Variants in PLXNA4 observed in about 807,000 individuals in gnomAD.
The protein encoded by PLXNA4 is plexin-A4.
PLXNA4 carries 44 observed loss-of-function variants against 191.8 expected under a neutral mutation model. The observed-to-expected ratio is 0.23, with a 90% confidence interval of 0.18 to 0.29. The LOEUF is 0.29. Ranked by LOEUF, PLXNA4 falls within the 10% of genes least tolerant of loss-of-function variation. PLXNA4 has a pLI of 1.00. For missense variants in PLXNA4, 1,800 were observed against 2,488.8 expected (o/e 0.72, Z 5.89); for synonymous variants, 1,082 against 1,009.5 (o/e 1.07, Z -1.36).
At chr7:132,591,110 G>A (rs964011604) in intron 2 of PLXNA4, among the ~76,000 whole-genome samples, 1 of 152,164 alleles carries the variant, frequency 6.6e-6, no homozygotes, top group African/African-American at 2.4e-5. Flanking sequence ...GGAGGCATGG[G>A]ATCACTAACA....
At position 132,181,456 on chromosome 7, in the gene PLXNA4, A is replaced by G; in HGVS notation, c.3417T>C (p.Tyr1139=). 2.5e-6 allele frequency: 4 copies of G among 1,613,568 alleles called. No homozygotes were observed. Among genetic ancestry groups the G allele is most frequent in the Non-Finnish European group, 2.5e-6 (3 of 1,179,832 alleles). ...CAAAGGCCTCAAACACCGGGTTGGG[A>G]TAGTAGGTGAAGTTGGTCTTGTTGA... ...LILNKTNFTY[Y]PNPVFEAFGP... The change falls in exon 18 of 32, where the codon TAT becomes TAC. Residue 1139 remains tyrosine, a synonymous_variant. Coordinates refer to ENST00000321063, the MANE Select transcript of PLXNA4 (RefSeq NM_020911.2).
At chr7:132,582,634 G>A (rs1802424593) in intron 2 of PLXNA4, among the ~76,000 whole-genome samples, 1 of 152,136 alleles carries the variant, frequency 6.6e-6, no homozygotes, top group African/African-American at 2.4e-5. Flanking sequence ...GCCACCCTAG[G>A]AGCCCATCCT....
intron 25 of PLXNA4, among the ~76,000 whole-genome samples, chr7:132,153,128 T>C (rs1192387331): frequency 6.6e-6 from 1 of 151,890 alleles, no homozygotes; most frequent in Non-Finnish European, 1.5e-5. Flanking sequence ...TATGGGGAGC[T>C]GGTGGGAAAG....
At position 132,268,985 on chromosome 7, in the gene PLXNA4, TG is replaced by T. The variant is rs547675260; in HGVS notation, c.1504-27820del. Among the ~76,000 whole-genome samples, 224 of 152,258 alleles carry T rather than the reference TG, an allele frequency of 1.5e-3. 1 individual carries two copies. Among genetic ancestry groups the T allele is most frequent in the African/African-American group, 5.3e-3 (219 of 41,550 alleles). On this transcript the variant is annotated intron_variant, in intron 4 of 31. Transcript: ENST00000321063. ...AAGGCACTTGGAATACCTCCAAAAGTGGGGGCTATGTAAAAACAAAGTATTA... is the reference window on the plus strand; with the variant it reads ...AAGGCACTTGGAATACCTCCAAAAGTGGGGCTATGTAAAAACAAAGTATTA...
chr7:132,593,726 G>C (rs1256925885), intron 2 of PLXNA4, among the ~76,000 whole-genome samples: 1 of 152,210 alleles, frequency 6.6e-6, no homozygotes, highest in Non-Finnish European at 1.5e-5. Context: ...CTGAAGACAG[G>C]AGAAAGAGGG....
chr7:132,543,695 T>C (rs1046179399), intron 1 of PLXNA4, among the ~76,000 whole-genome samples: 16 of 152,342 alleles, frequency 1.1e-4, no homozygotes, highest in African/African-American at 2.9e-4. Flanking sequence ...TAAACTTGAA[T>C]GCTAGGCTAA....
At chr7:132,543,561 C>T (rs921691388) in intron 1 of PLXNA4, among the ~76,000 whole-genome samples, 2 of 152,176 alleles carry the variant, frequency 1.3e-5, no homozygotes, top group African/African-American at 4.8e-5. Context: ...ATTGAATTAG[C>T]TAGTCTGCCT....
At chr7:132,398,594 C>T (rs1331352818) in intron 3 of PLXNA4, among the ~76,000 whole-genome samples, 2 of 152,214 alleles carry the variant, frequency 1.3e-5, no homozygotes, top group Non-Finnish European at 2.9e-5. Flanking sequence ...GCCTGGGCTC[C>T]AGGGACGCAG....
Position 132,129,907 on chromosome 7 carries a change from T to G in PLXNA4, c.*572A>C, listed in dbSNP as rs1377555527. On this transcript the variant is annotated 3_prime_UTR_variant, in exon 32 of 32. Transcript: ENST00000321063. ...CCACACATGCCCTGCTCCAGCCACA[T>G]GCAGGAGGTGTAGCCTTTCTTCTCA... 6.4e-6 allele frequency: 1 copy of G among 155,348 alleles called. No individual in the cohort carries two copies. The highest frequency in any genetic ancestry group is 2.4e-5 in the African/African-American group (1 of 41,496). 9.6% of individuals were successfully genotyped at this position (155,348 alleles called of 1,614,324 possible). A position where few individuals can be genotyped will look rare whatever the true frequency, so the allele number is the denominator to read the frequency against.
intron 9 of PLXNA4, among the ~76,000 whole-genome samples, chr7:132,217,133 A>G (rs1797988605): frequency 6.6e-6 from 1 of 152,226 alleles, no homozygotes; most frequent in Admixed American, 6.5e-5. Context: ...GTCCAGCCCC[A>G]TGCACATTTT....
rs1032018251 is a variant in PLXNA4 at position 132,185,323 on chromosome 7, A to G, written c.3134T>C (p.Ile1045Thr). 1 of 1,613,748 alleles carries G rather than the reference A, an allele frequency of 6.2e-7. No homozygotes were observed. The highest frequency in any genetic ancestry group is 8.5e-7 in the Non-Finnish European group (1 of 1,179,846). The change falls in exon 16 of 32, where the codon ATT (isoleucine) becomes ACT (threonine). Residue 1045 changes from isoleucine (I) to threonine (T), a missense_variant. Physicochemically the swap from Ile to Thr is moderately conservative, Grantham distance 89. Transcript: ENST00000321063. The stretch of plus-strand genomic sequence containing the variant: ...CCTGACAATGCTCCATTCTGGCTCA[A>G]TCCGCACGATGGTGGGGTCTTCCAC... The part of the protein sequence containing the change: ...QYVEDPTIVR[I>T]EPEWSIVSGN...
intron 2 of PLXNA4, among the ~76,000 whole-genome samples, chr7:132,492,824 G>A (rs1314491413): frequency 1.3e-5 from 2 of 152,206 alleles, no homozygotes; most frequent in East Asian, 3.9e-4. Context: ...CACCTGGTGA[G>A]CTGGGAAGCA....
intron 13 of PLXNA4, among the ~76,000 whole-genome samples, chr7:132,197,844 T>C (rs1251778560): frequency 6.6e-6 from 1 of 152,168 alleles, no homozygotes; most frequent in Non-Finnish European, 1.5e-5. Context: ...CTCCAGGAAG[T>C]GCAACAAAGA....
At chr7:132,479,380 C>T (rs1391216680) in intron 3 of PLXNA4, among the ~76,000 whole-genome samples, 1 of 152,118 alleles carries the variant, frequency 6.6e-6, no homozygotes, top group Non-Finnish European at 1.5e-5. Context: ...GGGGTAAAAC[C>T]CCAAACCAAC....
chr7:132,310,475 G>A (rs1801685589), intron 3 of PLXNA4, among the ~76,000 whole-genome samples: 2 of 152,172 alleles, frequency 1.3e-5, no homozygotes, highest in Admixed American at 6.5e-5. Flanking sequence ...CATTAACATT[G>A]GAAAAAGATC....
chr7:132,355,937 A>C (rs1174898452), intron 3 of PLXNA4, among the ~76,000 whole-genome samples: 1 of 152,152 alleles, frequency 6.6e-6, no homozygotes, highest in Non-Finnish European at 1.5e-5. Context: ...CAAGGCTGAG[A>C]AATGACCCCA....
intron 2 of PLXNA4, among the ~76,000 whole-genome samples, chr7:132,630,586 A>G (rs1428979587): frequency 1.3e-5 from 2 of 152,032 alleles, no homozygotes; most frequent in African/African-American, 4.8e-5. Context: ...ATCTTGGCTC[A>G]CTGCAAGTTC....
intron 23 of PLXNA4, among the ~76,000 whole-genome samples, 164 bp from the exon 24 acceptor site, chr7:132,164,452 A>G (rs1034146094): frequency 1.3e-5 from 2 of 151,964 alleles, no homozygotes; most frequent in African/African-American, 4.8e-5. Flanking sequence ...CCATCTCCTC[A>G]TCCTTCAGGC....
At chr7:132,562,819 CCT>C (rs1801298024) in intron 1 of PLXNA4, among the ~76,000 whole-genome samples, 2 of 122,808 alleles carry the variant, frequency 1.6e-5, no homozygotes, top group East Asian at 2.7e-4. Context: ...TCCTCCTTCT[CCT>C]CCTCCTTCTC....
Sources: gnomAD v4.1 joint callset for allele counts (sites outside exome capture counted in the v4.1 genomes callset) on GRCh38, gnomAD v4.1.1 for gene constraint, MANE v1.5 for transcripts, NCBI Gene and HGNC (gene_info 2026-07-23, HGNC 2026-07-21) for gene names.